DGCR8: variants seen among roughly 807,000 people sequenced by gnomAD.
DGCR8 encodes microprocessor complex subunit DGCR8.
Under a neutral mutation model 78.5 loss-of-function variants are expected in DGCR8, and 14 were observed. That is an observed-to-expected ratio of 0.18 (90% CI 0.12 to 0.28). DGCR8 has a LOEUF of 0.28. DGCR8 is among the 10% of genes least tolerant of loss of function. The pLI is 1.00. For missense variants in DGCR8, 702 were observed against 1,022.5 expected (o/e 0.69, Z 4.28); for synonymous variants, 399 against 402.4 (o/e 0.99, Z 0.10).
rs754166512 is a variant in DGCR8 at position 20,086,325 on chromosome 22, G to A, written c.362G>A (p.Ser121Asn). 1 of 1,614,132 alleles carries A rather than the reference G, an allele frequency of 6.2e-7. No individual in the cohort carries two copies. Among genetic ancestry groups the A allele is most frequent in the Non-Finnish European group, 8.5e-7 (1 of 1,180,020 alleles). Residue 121 changes from serine (S) to asparagine (N), a missense_variant, in exon 2 of 14, where the codon AGC becomes AAC. Ser to Asn is a conservative substitution (Grantham distance 46). This residue lies in a region of DGCR8 where 356 missense variants were observed against 448.9 expected (regional missense o/e 0.79). Coordinates refer to ENST00000351989, the MANE Select transcript of DGCR8 (RefSeq NM_022720.7). This position sits in a 1 kb window ranked among gnomAD's most constrained non-coding sequence, Gnocchi z 6.4. ...DLKLLKDVKI[S>N]VSFTESCRSK... ...AAGTTGCTTAAGGATGTAAAGATTA[G>A]CGTGAGCTTTACCGAGAGCTGCAGG...
chr22:20,107,186 G>A, intron 11 of DGCR8, 85 bp from the exon 12 acceptor site: 2 of 1,536,046 alleles, frequency 1.3e-6, no homozygotes, highest in Non-Finnish European at 9.0e-7. Flanking sequence ...CGGGGTGTGG[G>A]TCAGGAGGGC....
At chr22:20,082,561 G>T (rs1338897899) in intron 1 of DGCR8, among the ~76,000 whole-genome samples, 1 of 151,780 alleles carries the variant, frequency 6.6e-6, no homozygotes, top group East Asian at 1.9e-4. Context: ...TAGAGACGGG[G>T]TTTCAATGTG....
chr22:20,097,750 T>C (rs1019150685), intron 9 of DGCR8, among the ~76,000 whole-genome samples: 1 of 151,964 alleles, frequency 6.6e-6, no homozygotes, highest in African/African-American at 2.4e-5. Context: ...AGTGACTGTT[T>C]CATAATTTCT....
At chr22:20,100,799 C>T (rs1194124370) in intron 9 of DGCR8, 1 of 985,250 alleles carries the variant, frequency 1.0e-6, no homozygotes, top group Non-Finnish European at 1.2e-6. Flanking sequence ...GGGCTTTTTC[C>T]ACACCCCTAC....
In DGCR8 at chr22:20,106,120, C is replaced by G. The variant is rs1419528208; in HGVS notation, c.1789-57C>G. The G allele has an allele frequency of 5.4e-6, 8 of 1,476,960 alleles. No homozygotes were observed. In the East Asian group the frequency reaches 1.8e-4, roughly 33 times the overall value. 91.5% of individuals were successfully genotyped at this position (1,476,960 alleles called of 1,614,324 possible). ...TGGGGAAAGCCAACCGCAGGCCCAG[C>G]CATGAAGAGGCCGGTGGGCCTGGTG... is the stretch of plus-strand genomic sequence containing the variant. On this transcript the variant is annotated intron_variant, in intron 9 of 13. Transcript: ENST00000351989.
In DGCR8 at chr22:20,106,301, C is replaced by A. The variant is rs367909919; in HGVS notation, c.1889+24C>A. ...AGGTAGGGTAGGGGGGTGCCTCCCC[C>A]CATGAGTCAGGTCGGGGGAGCTCCT... On this transcript the variant is annotated intron_variant, in intron 10 of 13. Coordinates refer to ENST00000351989, the MANE Select transcript of DGCR8 (RefSeq NM_022720.7). 20 of 1,583,474 alleles carry A rather than the reference C, an allele frequency of 1.3e-5. 1 individual carries two copies. The highest frequency in any genetic ancestry group is 9.9e-5 in the South Asian group (9 of 90,482).
chr22:20,088,976 G>A (rs748715750), intron 3 of DGCR8, among the ~76,000 whole-genome samples: 7 of 152,100 alleles, frequency 4.6e-5, no homozygotes, highest in African/African-American at 7.2e-5. Context: ...GTAGAGTCAG[G>A]GTCTTGCTGT....
At chr22:20,091,374 T>A in intron 5 of DGCR8, 61 bp from the exon 6 acceptor site, 2 of 1,570,958 alleles carry the variant, frequency 1.3e-6, no homozygotes, top group Admixed American at 3.3e-5. Context: ...CACTGGGCTG[T>A]GAGAACCTGA....
chr22:20,100,592 A>T, intron 9 of DGCR8: 1 of 985,426 alleles, frequency 1.0e-6, no homozygotes, highest in Non-Finnish European at 1.2e-6. Context: ...TCCATGAACC[A>T]CTGTGGTTTC....
intron 12 of DGCR8, chr22:20,108,350 G>C (rs1004339800): frequency 6.5e-6 from 1 of 153,112 alleles, no homozygotes; most frequent in Admixed American, 6.5e-5. Context: ...CTGAGCAGGA[G>C]GGGGAAAGGT....
rs548349570 is a variant in DGCR8, at chr22:20,096,342, G to A, written c.1788+1547G>A. On this transcript the variant is annotated intron_variant, in intron 9 of 13. Coordinates refer to ENST00000351989, the MANE Select transcript of DGCR8 (RefSeq NM_022720.7). Reference sequence around the variant, plus strand: ...AAGAGTTGGCCTTGGTATCTCAGGGGTGGCAGAGGCAGAAGAAAATTTTTG... The same window carrying A: ...AAGAGTTGGCCTTGGTATCTCAGGGATGGCAGAGGCAGAAGAAAATTTTTG... 3.3e-5 allele frequency: 16 copies of A among 491,836 alleles called. 1 individual carries two copies. Among genetic ancestry groups the A allele is most frequent in the Middle Eastern group, 1.0e-3 (1 of 976 alleles). 30.5% of individuals were successfully genotyped at this position (491,836 alleles called of 1,614,324 possible).
intron 11 of DGCR8, 29 bp downstream of exon 11, chr22:20,106,727 G>A (rs1326864919): frequency 6.5e-7 from 1 of 1,550,028 alleles, no homozygotes; most frequent in Non-Finnish European, 8.9e-7. Flanking sequence ...CTGCCTGGTG[G>A]CCGCTGGGCG....
intron 8 of DGCR8, 100 bp downstream of exon 8, chr22:20,093,007 G>A: frequency 1.3e-6 from 1 of 791,704 alleles, no homozygotes; most frequent in South Asian, 1.8e-5. Context: ...AGTGGGGGAT[G>A]TGGGTGGGGC....
chr22:20,092,110 G>A (rs1032494959), intron 7 of DGCR8, 140 bp downstream of exon 7: 18 of 681,816 alleles, frequency 2.6e-5, no homozygotes, highest in African/African-American at 2.0e-4. Flanking sequence ...GCGTGCTGCA[G>A]ATGGGTGGCT....
At position 20,108,916 on chromosome 22, in the gene DGCR8, G is replaced by A. The variant is rs2049802792; in HGVS notation, c.2151G>A (p.Glu717=). 1 of 1,602,772 alleles carries A rather than the reference G, an allele frequency of 6.2e-7. No individual in the cohort carries two copies. The highest frequency in any genetic ancestry group is 8.5e-7 in the Non-Finnish European group (1 of 1,170,738). ...KQETSDKSVI[E]LQQYAKKNKP... is the part of the protein sequence containing the mutation. ...AGACATCGGACAAGAGTGTGATTGAGCTGCAGCAGTATGCCAAGAAGAACA... is the reference window on the plus strand; with the variant it reads ...AGACATCGGACAAGAGTGTGATTGAACTGCAGCAGTATGCCAAGAAGAACA... The change falls in exon 13 of 14, where the codon GAG becomes GAA. Residue 717 remains glutamate (E), a synonymous_variant. Transcript: ENST00000351989.
At position 20,110,968 on chromosome 22, in the gene DGCR8, T is replaced by G. The variant is rs1263108136; in HGVS notation, c.*860T>G. 5.1e-6 allele frequency: 2 copies of G among 393,844 alleles called. No homozygotes were observed. Among genetic ancestry groups the G allele is most frequent in the Non-Finnish European group, 8.9e-6 (2 of 223,694 alleles). 24.4% of individuals were successfully genotyped at this position (393,844 alleles called of 1,614,324 possible). ...TGATTTTTAAAGCTTTTGTGATATTTTAGCATTTTGAAAGACTTTCACAGT... is the reference window on the plus strand; with the variant it reads ...TGATTTTTAAAGCTTTTGTGATATTGTAGCATTTTGAAAGACTTTCACAGT... On this transcript the variant is annotated 3_prime_UTR_variant, in exon 14 of 14. Transcript: ENST00000351989.
At chr22:20,092,943 G>C (rs763567509) in intron 8 of DGCR8, 36 bp downstream of exon 8, 1 of 1,556,850 alleles carries the variant, frequency 6.4e-7, no homozygotes, top group Non-Finnish European at 8.8e-7. Context: ...GATACGTGCT[G>C]CCTGCTGTGT....
rs1003378476 is a variant in DGCR8, at chr22:20,107,255, C to T, written c.1997-16C>T. 6.8e-6 allele frequency: 11 copies of T among 1,613,978 alleles called. No individual in the cohort carries two copies. Among genetic ancestry groups the T allele is most frequent in the African/African-American group, 5.3e-5 (4 of 74,922 alleles). On this transcript the variant is annotated splice_polypyrimidine_tract_variant and intron_variant, in intron 11 of 13. Transcript: ENST00000351989. Reference sequence around the variant, plus strand: ...GTTTGTGACCCCCTCTCCATGCTTGCTCTTTCTCTGTGTAGGTAAGAACAA... The same window carrying T: ...GTTTGTGACCCCCTCTCCATGCTTGTTCTTTCTCTGTGTAGGTAAGAACAA...
At chr22:20,080,494 G>A in intron 1 of DGCR8, 111 bp downstream of exon 1, 1 of 984,310 alleles carries the variant, frequency 1.0e-6, no homozygotes, top group Non-Finnish European at 1.2e-6. Context: ...CGCGGGCGGG[G>A]CGGGGGCGCG....
Sources: gnomAD v4.1 joint callset for allele counts (sites outside exome capture counted in the v4.1 genomes callset) on GRCh38, gnomAD v4.1.1 for gene constraint, gnomAD v4.1.1 regional missense constraint, Gnocchi (gnomAD v3.1) non-coding constraint, MANE v1.5 for transcripts, NCBI Gene and HGNC (gene_info 2026-07-23, HGNC 2026-07-21) for gene names.